TMEM108: variants seen among roughly 807,000 people sequenced by gnomAD.
The protein encoded by TMEM108 is cancer/testis antigen 124.
Under a neutral mutation model 35.1 loss-of-function variants are expected in TMEM108, and 12 were observed. The ratio of observed to expected loss-of-function variants is 0.34; its 90% CI spans 0.22 to 0.55. TMEM108 has a LOEUF of 0.55. Ranked by LOEUF, TMEM108 falls within the 20% of genes least tolerant of loss-of-function variation. The pLI is 0.89. For missense variants in TMEM108, 680 were observed against 753.3 expected (o/e 0.90, Z 1.14); for synonymous variants, 287 against 308.6 (o/e 0.93, Z 0.73).
chr3:133,184,280 G>A (rs1029734322), intron 2 of TMEM108, among the ~76,000 whole-genome samples: 1 of 152,196 alleles, frequency 6.6e-6, no homozygotes, highest in Non-Finnish European at 1.5e-5. Flanking sequence ...AATAATTTAT[G>A]TATATAACAT....
At chr3:133,189,561 T>C (rs1452859788) in intron 2 of TMEM108, among the ~76,000 whole-genome samples, 2 of 152,300 alleles carry the variant, frequency 1.3e-5, no homozygotes, top group Non-Finnish European at 2.9e-5. Flanking sequence ...AATCACATGA[T>C]TTTTTAAAAG....
At chr3:133,160,092 T>C (rs1316007134) in intron 2 of TMEM108, among the ~76,000 whole-genome samples, 1 of 152,184 alleles carries the variant, frequency 6.6e-6, no homozygotes, top group African/African-American at 2.4e-5. Context: ...TCCTGTGGTG[T>C]GCTTAAGAGG....
chr3:133,190,878 T>C (rs1283214532), intron 2 of TMEM108, among the ~76,000 whole-genome samples: 1 of 152,158 alleles, frequency 6.6e-6, no homozygotes, highest in East Asian at 1.9e-4. Flanking sequence ...GGGATGTTAC[T>C]GGAGGTAATC....
intron 2 of TMEM108, among the ~76,000 whole-genome samples, chr3:133,201,497 G>C (rs1332410394): frequency 7.0e-6 from 1 of 143,338 alleles, no homozygotes; most frequent in Non-Finnish European, 1.5e-5. Context: ...TCCCCTCCCT[G>C]TGTCCACATA....
At chr3:133,272,745 A>G (rs1233482417) in intron 3 of TMEM108, among the ~76,000 whole-genome samples, 1 of 152,148 alleles carries the variant, frequency 6.6e-6, no homozygotes, top group Non-Finnish European at 1.5e-5. Flanking sequence ...CATTTTTCTG[A>G]TGAAGAAAGA....
intron 2 of TMEM108, among the ~76,000 whole-genome samples, chr3:133,149,898 C>T (rs1408883076): frequency 6.6e-6 from 1 of 152,054 alleles, no homozygotes; most frequent in East Asian, 1.9e-4. Flanking sequence ...TCTCAGTGGA[C>T]ACTTAGGTTG....
chr3:133,087,216 C>CTCTCTGGG (rs1349046448), intron 2 of TMEM108, among the ~76,000 whole-genome samples: 1 of 152,190 alleles, frequency 6.6e-6, no homozygotes, highest in Non-Finnish European at 1.5e-5. Flanking sequence ...CTGCTTCCCA[C>CTCTCTGGG]TCTCTGGGTC....
At chr3:133,188,463 G>A (rs1347470337) in intron 2 of TMEM108, among the ~76,000 whole-genome samples, 3 of 151,616 alleles carry the variant, frequency 2.0e-5, no homozygotes, top group African/African-American at 7.3e-5. Flanking sequence ...AGGGTTTGGG[G>A]AAGTGAATAC....
intron 3 of TMEM108, among the ~76,000 whole-genome samples, chr3:133,287,693 A>G (rs1204874650): frequency 6.6e-6 from 1 of 152,204 alleles, no homozygotes; most frequent in African/African-American, 2.4e-5. Flanking sequence ...AAACAAATAG[A>G]TGTTTGCTAT....
At chr3:133,378,409 C>A (rs1047207120) in intron 3 of TMEM108, 1 of 985,386 alleles carries the variant, frequency 1.0e-6, no homozygotes, top group Admixed American at 6.1e-5. Flanking sequence ...GTTTGTCCTG[C>A]TGGAATCTGA....
intron 2 of TMEM108, among the ~76,000 whole-genome samples, chr3:133,070,158 T>C (rs1943659128): frequency 6.6e-6 from 1 of 152,098 alleles, no homozygotes; most frequent in Non-Finnish European, 1.5e-5. Context: ...CAATCCTGGG[T>C]CATTGCCAGC....
chr3:133,378,473 A>G, intron 3 of TMEM108: 1 of 985,520 alleles, frequency 1.0e-6, no homozygotes. Flanking sequence ...ATCTCTCTCC[A>G]TAGTCAGAGG....
At chr3:133,190,038 CT>C (rs1362631044) in intron 2 of TMEM108, among the ~76,000 whole-genome samples, 1 of 151,830 alleles carries the variant, frequency 6.6e-6, no homozygotes, top group Non-Finnish European at 1.5e-5. Flanking sequence ...TGAAGTATTG[CT>C]TTCTTATTGA....
At chr3:133,282,184 A>T (rs1946924076) in intron 3 of TMEM108, among the ~76,000 whole-genome samples, 1 of 152,226 alleles carries the variant, frequency 6.6e-6, no homozygotes, top group African/African-American at 2.4e-5. Flanking sequence ...ATAAAATAAG[A>T]CAAAGACAAA....
At chr3:133,138,027 A>G (rs1944589330) in intron 2 of TMEM108, among the ~76,000 whole-genome samples, 2 of 152,236 alleles carry the variant, frequency 1.3e-5, no homozygotes, top group Non-Finnish European at 2.9e-5. Flanking sequence ...TGTGTTATAC[A>G]GATTAAAATG....
chr3:133,121,198 C>T (rs960382375), intron 2 of TMEM108, among the ~76,000 whole-genome samples: 2 of 152,166 alleles, frequency 1.3e-5, no homozygotes, highest in Non-Finnish European at 2.9e-5. Context: ...GCCAGTAGAT[C>T]TGTACTAAAG....
At chr3:133,237,247 A>G (rs987732024) in intron 3 of TMEM108, among the ~76,000 whole-genome samples, 1 of 151,948 alleles carries the variant, frequency 6.6e-6, no homozygotes, top group African/African-American at 2.4e-5. Flanking sequence ...AGATTTTGCA[A>G]TCCCAAATAC....
intron 4 of TMEM108, 97 bp downstream of exon 4, chr3:133,381,258 G>A (rs2073005349): frequency 4.5e-6 from 6 of 1,326,442 alleles, no homozygotes; most frequent in Non-Finnish European, 6.1e-6. Flanking sequence ...CTTGCCAAGT[G>A]GGCTACAAAA....
At chr3:133,107,892 T>C (rs941372201) in intron 2 of TMEM108, among the ~76,000 whole-genome samples, 6 of 152,196 alleles carry the variant, frequency 3.9e-5, no homozygotes, top group Admixed American at 3.3e-4. Context: ...CTCCACATCT[T>C]TGGATTTTGC....
Sources: allele counts gnomAD v4.1 joint callset (sites outside exome capture counted in the v4.1 genomes callset), GRCh38; gene constraint gnomAD v4.1.1; transcripts MANE v1.5; gene names NCBI Gene and HGNC (gene_info 2026-07-23, HGNC 2026-07-21).